Variants in FGD6 observed in about 807,000 individuals in gnomAD.
FGD6 encodes FYVE, RhoGEF and PH domain containing 6.
In FGD6, 90 loss-of-function variants were observed where a neutral mutation model predicts 149.4. That is an observed-to-expected ratio of 0.60 (90% confidence interval 0.51 to 0.72). The LOEUF is 0.72. Ranked by LOEUF, FGD6 falls within the 30% of genes least tolerant of loss-of-function variation. FGD6 has a pLI of 0.00. For missense variants in FGD6, 1,437 were observed against 1,684.8 expected, an observed-to-expected ratio of 0.85 and a Z score of 2.57; for synonymous variants, 527 against 584.0, an observed-to-expected ratio of 0.90 and a Z score of 1.41.
At position 95,211,023 on chromosome 12, in the gene FGD6, A is replaced by C. The variant is rs778535177; in HGVS notation, c.261T>G (p.Ala87=). The part of the protein sequence containing the change: ...LNLEGHKQEL[A]ESTDNFNCKY... ...TACAATTAAAGTTGTCAGTGCTTTCAGCTAATTCCTGTTTATGCCCTTCCA... is the reference window on the plus strand; with the variant it reads ...TACAATTAAAGTTGTCAGTGCTTTCCGCTAATTCCTGTTTATGCCCTTCCA... The change falls in exon 2 of 21, where the codon GCT becomes GCG. Residue 87 remains alanine (A), a synonymous_variant. Transcript: ENST00000343958. The C allele has an allele frequency of 4.3e-6, 7 of 1,614,116 alleles. No homozygotes were observed. The Admixed American group carries it at 1.2e-4, about 27-fold the overall frequency.
At chr12:95,186,008 A>T (rs1405153051) in intron 2 of FGD6, among the ~76,000 whole-genome samples, 2 of 152,138 alleles carry the variant, frequency 1.3e-5, no homozygotes, top group African/African-American at 4.8e-5. Context: ...ATCATAGTTC[A>T]TCCAGTAAGC....
intron 1 of FGD6, among the ~76,000 whole-genome samples, chr12:95,211,848 T>C (rs2056729258): frequency 6.6e-6 from 1 of 152,184 alleles, no homozygotes; most frequent in African/African-American, 2.4e-5. Flanking sequence ...CATCATATCT[T>C]TCATTGACAA....
chr12:95,207,101 C>G (rs1026450090), intron 2 of FGD6, among the ~76,000 whole-genome samples: 1 of 151,896 alleles, frequency 6.6e-6, no homozygotes, highest in Admixed American at 6.6e-5. Context: ...GGGAGGGACC[C>G]GGTGGGAGGT....
At position 95,209,784 on chromosome 12, in the gene FGD6, T is replaced by C. The variant is rs1565925095; in HGVS notation, c.1500A>G (p.Gln500=). Residue 500 remains glutamine, a synonymous_variant, in exon 2 of 21, where the codon CAA becomes CAG. Transcript: ENST00000343958. ...NSLRIVPKKP[Q]RHSLPATGVL... Reference sequence around the variant, plus strand: ...CTCCTGTAGCAGGCAAGCTATGTCTTTGAGGTTTTTTGGGGACAATTCGTA... The same window carrying C: ...CTCCTGTAGCAGGCAAGCTATGTCTCTGAGGTTTTTTGGGGACAATTCGTA... 3.1e-6 allele frequency: 5 copies of C among 1,612,150 alleles called. No individual in the cohort carries two copies. The highest frequency in any genetic ancestry group is 1.7e-6 in the Non-Finnish European group (2 of 1,179,628).
intron 3 of FGD6, 116 bp downstream of exon 3, chr12:95,172,484 G>C (rs1881022277): frequency 1.1e-6 from 1 of 926,730 alleles, no homozygotes; most frequent in African/African-American, 1.7e-5. Context: ...TTTAAATTTT[G>C]AAAGTGTTTT....
intron 1 of FGD6, among the ~76,000 whole-genome samples, chr12:95,215,152 C>T (rs546380985): frequency 7.4e-4 from 112 of 152,282 alleles, no homozygotes; most frequent in East Asian, 1.9e-4. Context: ...TGAGCCACTG[C>T]GCCCAGCCTC....
intron 1 of FGD6, among the ~76,000 whole-genome samples, chr12:95,215,835 G>A (rs1162364495): frequency 2.0e-5 from 3 of 152,136 alleles, no homozygotes; most frequent in African/African-American, 4.8e-5. Context: ...ATACATATAA[G>A]ACACGGTTAT....
At chr12:95,141,287 A>C in intron 6 of FGD6, 101 bp downstream of exon 6, 1 of 1,202,818 alleles carries the variant, frequency 8.3e-7, no homozygotes, top group Non-Finnish European at 1.2e-6. Context: ...ATATTCAAAC[A>C]ACTCAATGTA....
chr12:95,172,046 G>GGTGGT (rs562514503), intron 3 of FGD6, among the ~76,000 whole-genome samples: 3 of 136,416 alleles, frequency 2.2e-5, no homozygotes, highest in African/African-American at 8.2e-5. Context: ...GGGGGGGGGG[G>GGTGGT]TTGTTATCAA....
In FGD6 at chr12:95,092,842, C is replaced by T; in HGVS notation, c.3604G>A (p.Asp1202Asn). ...FCPSRSLDEA[D>N]SENKEEVSPL... is the part of the protein sequence containing the mutation. ...CTAACTTCTTCTTTATTTTCTGAGTCTGCCTGTGGAAGAAGAACAACTTCT... is the reference window on the plus strand; with the variant it reads ...CTAACTTCTTCTTTATTTTCTGAGTTTGCCTGTGGAAGAAGAACAACTTCT... Residue 1202 changes from aspartate (D) to asparagine (N), a missense_variant, in exon 16 of 21, where the codon GAC becomes AAC. Asp to Asn is a conservative substitution (Grantham distance 23, BLOSUM62 1). Transcript: ENST00000343958. 1 of 1,608,784 alleles carries T rather than the reference C, an allele frequency of 6.2e-7. No homozygotes were observed. Among genetic ancestry groups the T allele is most frequent in the Non-Finnish European group, 8.5e-7 (1 of 1,177,424 alleles).
At chr12:95,137,758 T>A in intron 6 of FGD6, 80 bp from the exon 7 acceptor site, 1 of 970,660 alleles carries the variant, frequency 1.0e-6, no homozygotes, top group Non-Finnish European at 1.4e-6. Context: ...AGTCCACATC[T>A]AAGCCGCCAA....
Position 95,201,820 on chromosome 12 carries a change from T to C in FGD6, c.2441+7023A>G, listed in dbSNP as rs146523222. Among the ~76,000 whole-genome samples the C allele has an allele frequency of 7.4e-4, 113 of 152,342 alleles. 3 individuals carry two copies. In the East Asian group the frequency reaches 0.018, roughly 25 times the overall value. On this transcript the variant is annotated intron_variant, in intron 2 of 20. Transcript: ENST00000343958. ...GCTAAATTTAAGATTTTTAGATCTT[T>C]ATTATTCAAGAACTTGATGAAAACA...
intron 2 of FGD6, among the ~76,000 whole-genome samples, chr12:95,199,251 T>C (rs927119910): frequency 7.9e-5 from 12 of 152,322 alleles, no homozygotes; most frequent in African/African-American, 2.9e-4. Flanking sequence ...GTTGCATCAG[T>C]GAGTGAAGAG....
intron 2 of FGD6, among the ~76,000 whole-genome samples, chr12:95,191,208 A>T (rs899286179): frequency 6.6e-6 from 1 of 152,224 alleles, no homozygotes; most frequent in Non-Finnish European, 1.5e-5. Flanking sequence ...TTCTTTCTGC[A>T]GGTTTGGTGA....
chr12:95,108,594 T>G, intron 9 of FGD6, 33 bp from the exon 10 acceptor site: 1 of 1,612,094 alleles, frequency 6.2e-7, no homozygotes, highest in South Asian at 1.1e-5. Context: ...GTGCATTTAG[T>G]AATTACAATG....
At chr12:95,121,826 T>A (rs1217675275) in intron 8 of FGD6, among the ~76,000 whole-genome samples, 10 of 152,072 alleles carry the variant, frequency 6.6e-5, no homozygotes, top group African/African-American at 2.4e-4. Context: ...CAGCTAATTT[T>A]TGTACTTTTA....
At chr12:95,181,823 G>A (rs557460581) in intron 2 of FGD6, among the ~76,000 whole-genome samples, 25 of 152,016 alleles carry the variant, frequency 1.6e-4, no homozygotes, top group Middle Eastern at 6.8e-3. Context: ...GCGTGGTGGC[G>A]GGCGCCTGTA....
At chr12:95,201,955 TACACAC>T (rs71078621) in intron 2 of FGD6, among the ~76,000 whole-genome samples, 9,365 of 146,438 alleles carry the variant, frequency 0.064, 339 homozygotes, top group Middle Eastern at 0.11. Context: ...CAGGACAGAA[TACACAC>T]ACACACACAC....
At chr12:95,208,123 C>G (rs1042866094) in intron 2 of FGD6, among the ~76,000 whole-genome samples, 1 of 151,960 alleles carries the variant, frequency 6.6e-6, no homozygotes, top group African/African-American at 2.4e-5. Flanking sequence ...TGGTGGCATG[C>G]ACCTATAGTC....
Sources: allele counts gnomAD v4.1 joint callset (sites outside exome capture counted in the v4.1 genomes callset), GRCh38; gene constraint gnomAD v4.1.1; transcripts MANE v1.5; gene names NCBI Gene and HGNC (gene_info 2026-07-23, HGNC 2026-07-21).